Variants in MGP observed in about 807,000 individuals in gnomAD.
MGP encodes cell growth-inhibiting gene 36 protein.
Under a neutral mutation model 14.5 loss-of-function variants are expected in MGP, and 13 were observed. The observed-to-expected ratio is 0.89, with a 90% CI of 0.58 to 1.42. MGP has a LOEUF of 1.42. Ranked by LOEUF, MGP falls within the 40% of genes most tolerant of loss-of-function variation. The pLI is 0.00. For missense variants in MGP, 128 were observed against 133.7 expected (o/e 0.96, Z 0.21); for synonymous variants, 44 against 46.3 (o/e 0.95, Z 0.20).
Position 14,885,770 on chromosome 12 carries a change from CAAG to C in MGP, c.19_21del (p.Leu7del). 1 of 1,613,800 alleles carries C rather than the reference CAAG, an allele frequency of 6.2e-7. No homozygotes were observed. The highest frequency in any genetic ancestry group is 8.5e-7 in the Non-Finnish European group (1 of 1,179,772). ...ACTACCGCTAAGGCGGCCAGGATGG[CAAG>C]AAGGATCAGGCTCTTCATGGTTTCG... On this transcript the variant is annotated inframe_deletion, in exon 1 of 4. Coordinates refer to ENST00000539261, the MANE Select transcript of MGP (RefSeq NM_000900.5).
chr12:14,884,814 C>A, intron 1 of MGP: 1 of 1,533,198 alleles, frequency 6.5e-7, no homozygotes, highest in Non-Finnish European at 8.7e-7. Flanking sequence ...ACAGCTCACC[C>A]TGGGCACGAT....
chr12:14,881,838 G>T lies in MGP; in HGVS notation c.*301C>A, dbSNP rs1863376762. 2.7e-6 allele frequency: 1 copy of T among 365,726 alleles called. No individual in the cohort carries two copies. Among genetic ancestry groups the T allele is most frequent in the Non-Finnish European group, 5.2e-6 (1 of 193,184 alleles). The allele number at this position is 365,726 out of a possible 1,614,324, so 22.7% of individuals were successfully genotyped here. ...AGAATCTCCTATTTTGGGTAAGGTG[G>T]GCCATGATTTAAATATCTCAATATC... On this transcript the variant is annotated 3_prime_UTR_variant, in exon 4 of 4. Coordinates refer to ENST00000539261, the MANE Select transcript of MGP (RefSeq NM_000900.5).
At chr12:14,882,381 C>A (rs1031299312) in intron 3 of MGP, 101 bp from the exon 4 acceptor site, 17 of 1,369,144 alleles carry the variant, frequency 1.2e-5, no homozygotes, top group African/African-American at 2.9e-5. Flanking sequence ...CTCTCCATGC[C>A]CCCCTATATT....
rs527807729 is a variant in MGP at position 14,884,023 on chromosome 12, C to T, written c.94+190G>A. 2.0e-4 allele frequency: 91 copies of T among 465,764 alleles called. No individual in the cohort carries two copies. The South Asian group carries it at 2.4e-3, about 12-fold the overall frequency. The allele number at this position is 465,764 out of a possible 1,614,324, so 28.9% of individuals were successfully genotyped here. On this transcript the variant is annotated intron_variant, in intron 2 of 3. Transcript: ENST00000539261. ...CCTGTAGCTTAAATCCCATATTGCACTACTTCAAACTTAAAAAATTGCTCC... is the reference window on the plus strand; with the variant it reads ...CCTGTAGCTTAAATCCCATATTGCATTACTTCAAACTTAAAAAATTGCTCC...
chr12:14,884,323 CTG>C lies in MGP; in HGVS notation c.62-80_62-79del, dbSNP rs1565441153. ...ATGTTATTATTTATCAATTTAGACACTGTGATAGTTTAAATACAGGGATGGAA... is the reference window on the plus strand; with the variant it reads ...ATGTTATTATTTATCAATTTAGACACTGATAGTTTAAATACAGGGATGGAA... On this transcript the variant is annotated intron_variant, in intron 1 of 3. Coordinates refer to ENST00000539261, the MANE Select transcript of MGP (RefSeq NM_000900.5). 25 of 979,074 alleles carry C rather than the reference CTG, an allele frequency of 2.6e-5. No homozygotes were observed. The Middle Eastern group carries it at 9.9e-4, about 39-fold the overall frequency. 60.6% of individuals were successfully genotyped at this position (979,074 alleles called of 1,614,324 possible).
chr12:14,884,743 C>T (rs1022145230), intron 1 of MGP: 2 of 1,390,816 alleles, frequency 1.4e-6, no homozygotes, highest in African/African-American at 1.4e-5. Context: ...TAAGAGGGTT[C>T]CGAAAGCCTC....
intron 2 of MGP, chr12:14,883,549 G>C (rs965360547): frequency 5.4e-6 from 1 of 185,258 alleles, no homozygotes; most frequent in African/African-American, 2.4e-5. Context: ...CTGTAATCCC[G>C]GCACTTTGGG....
Position 14,885,760 on chromosome 12 carries a change from G to T in MGP, c.32C>A (p.Ala11Asp), listed in dbSNP as rs766423890. MKSLILLAILAALAVVTLCYE... is the reference protein window; with the variant it reads MKSLILLAILDALAVVTLCYE... Reference sequence around the variant, plus strand: ...ACACAAAGTTACTACCGCTAAGGCGGCCAGGATGGCAAGAAGGATCAGGCT... The same window carrying T: ...ACACAAAGTTACTACCGCTAAGGCGTCCAGGATGGCAAGAAGGATCAGGCT... The change falls in exon 1 of 4, where the codon GCC becomes GAC. Residue 11 changes from alanine (A) to aspartate (D), a missense_variant. Coordinates refer to ENST00000539261, the MANE Select transcript of MGP (RefSeq NM_000900.5). The T allele has an allele frequency of 3.1e-6, 5 of 1,613,818 alleles. No individual in the cohort carries two copies. Among genetic ancestry groups the T allele is most frequent in the Admixed American group, 3.3e-5 (2 of 60,014 alleles).
chr12:14,884,778 GC>G (rs1157184611), intron 1 of MGP: 1 of 1,516,890 alleles, frequency 6.6e-7, no homozygotes, highest in Non-Finnish European at 8.8e-7. Context: ...TAAATTGGCA[GC>G]CACAGAAACC....
In MGP at chr12:14,881,957, T is replaced by C; in HGVS notation, c.*182A>G. ...ATGTTGACTCTCCTTTGACCCTCACTGCAGTGCACTTTCATTACTTATCAA... is the reference window on the plus strand; with the variant it reads ...ATGTTGACTCTCCTTTGACCCTCACCGCAGTGCACTTTCATTACTTATCAA... On this transcript the variant is annotated 3_prime_UTR_variant, in exon 4 of 4. Coordinates refer to ENST00000539261, the MANE Select transcript of MGP (RefSeq NM_000900.5). 1 of 692,530 alleles carries C rather than the reference T, an allele frequency of 1.4e-6. No individual in the cohort carries two copies. Among genetic ancestry groups the C allele is most frequent in the Non-Finnish European group, 2.5e-6 (1 of 400,382 alleles). The allele number at this position is 692,530 out of a possible 1,614,324, so 42.9% of individuals were successfully genotyped here.
intron 2 of MGP, chr12:14,883,410 A>G: frequency 6.5e-6 from 2 of 310,016 alleles, no homozygotes; most frequent in South Asian, 6.2e-5. Context: ...CGATACATGA[A>G]CAGTTTAAAC....
intron 1 of MGP, chr12:14,884,842 A>G: frequency 6.5e-7 from 1 of 1,535,018 alleles, no homozygotes; most frequent in South Asian, 1.2e-5. Context: ...CAGAGAGAGA[A>G]CTGAAACGAT....
At chr12:14,885,612 T>C (rs1167048944) in intron 1 of MGP, 119 bp downstream of exon 1, 2 of 769,198 alleles carry the variant, frequency 2.6e-6, no homozygotes, top group Non-Finnish European at 4.6e-6. Context: ...AAAGTAATGG[T>C]ACTTTAAGAT....
chr12:14,884,251 A>AT lies in MGP; in HGVS notation c.62-7dup, dbSNP rs2120440911. 5.1e-6 allele frequency: 7 copies of AT among 1,366,304 alleles called. No individual in the cohort carries two copies. Among genetic ancestry groups the AT allele is most frequent in the Non-Finnish European group, 7.1e-6 (7 of 985,016 alleles). 84.6% of individuals were successfully genotyped at this position (1,366,304 alleles called of 1,614,324 possible). ...TTCCATGCTTTCATGTGATTCTGAAATTAAAAAAAAAAGATTCATTATATC... is the reference window on the plus strand; with the variant it reads ...TTCCATGCTTTCATGTGATTCTGAAATTTAAAAAAAAAAGATTCATTATATC... On this transcript the variant is annotated splice_polypyrimidine_tract_variant and splice_region_variant and intron_variant, in intron 1 of 3. Coordinates refer to ENST00000539261, the MANE Select transcript of MGP (RefSeq NM_000900.5).
chr12:14,882,156 G>T lies in MGP; in HGVS notation c.295C>A (p.Arg99Ser). The change falls in exon 4 of 4, where the codon CGC (arginine) becomes AGC (serine). Residue 99 changes from arginine to serine, a missense_variant. By Grantham distance (110) the Arg-to-Ser change is moderately radical. Coordinates refer to ENST00000539261, the MANE Select transcript of MGP (RefSeq NM_000900.5). ...CCTCAGTCTCATTTGGTCCCTCGGC[G>T]CTTCCTGAAGTAGCGATTATAGGCA... ...NAAYNRYFRK[R>S]RGTK The T allele has an allele frequency of 3.1e-6, 5 of 1,613,930 alleles. No individual in the cohort carries two copies. Among genetic ancestry groups the T allele is most frequent in the Non-Finnish European group, 4.2e-6 (5 of 1,179,946 alleles).
Position 14,885,740 on chromosome 12 carries a change from A to G in MGP, c.52T>C (p.Leu18=). Reference sequence around the variant, plus strand: ...GAGAAAAGTTTCTCACCATAACACAAAGTTACTACCGCTAAGGCGGCCAGG... The same window carrying G: ...GAGAAAAGTTTCTCACCATAACACAGAGTTACTACCGCTAAGGCGGCCAGG... ...AILAALAVVT[L]CYESHESMES... Residue 18 remains leucine (L), a synonymous_variant, in exon 1 of 4, where the codon TTG becomes CTG. Coordinates refer to ENST00000539261, the MANE Select transcript of MGP (RefSeq NM_000900.5). The G allele has an allele frequency of 1.2e-6, 2 of 1,613,638 alleles. No individual in the cohort carries two copies. The highest frequency in any genetic ancestry group is 1.7e-4 in the Middle Eastern group (1 of 6,052).
At position 14,882,708 on chromosome 12, in the gene MGP, A is replaced by C. The variant is rs560421316; in HGVS notation, c.170+264T>G. 3.0e-3 allele frequency among the ~76,000 whole-genome samples: 369 copies of C among 123,082 alleles called. 3 individuals are homozygous for C. Among genetic ancestry groups the C allele is most frequent in the African/African-American group, 0.012 (356 of 29,392 alleles). The allele number at this position is 123,082 out of a possible 152,430, so 80.7% of individuals were successfully genotyped here. A position where few individuals can be genotyped will look rare whatever the true frequency, so the allele number is the denominator to read the frequency against. The stretch of plus-strand genomic sequence containing the variant: ...AAAAACCAGGGAGGGAAGGCAGAAC[A>C]GGAGATTTTTTTTTTTTTTTTAATG... On this transcript the variant is annotated intron_variant, in intron 3 of 3. Coordinates refer to ENST00000539261, the MANE Select transcript of MGP (RefSeq NM_000900.5).
At position 14,882,052 on chromosome 12, in the gene MGP, T is replaced by C; in HGVS notation, c.*87A>G. The C allele has an allele frequency of 6.7e-7, 1 of 1,494,428 alleles. No individual in the cohort carries two copies. Among genetic ancestry groups the C allele is most frequent in the Non-Finnish European group, 9.3e-7 (1 of 1,072,444 alleles). 92.6% of individuals were successfully genotyped at this position (1,494,428 alleles called of 1,614,324 possible). ...AGGAAAGAAGCATTGTATATAAGCC[T>C]ATGTATTTCTGTAATGCTGCTACAG... On this transcript the variant is annotated 3_prime_UTR_variant, in exon 4 of 4. Transcript: ENST00000539261.
rs1863433814 is a variant in MGP, at chr12:14,885,823, T to A, written c.-32A>T. 6.2e-7 allele frequency: 1 copy of A among 1,603,750 alleles called. No individual in the cohort carries two copies. The highest frequency in any genetic ancestry group is 1.3e-5 in the African/African-American group (1 of 74,680). On this transcript the variant is annotated 5_prime_UTR_variant, in exon 1 of 4. Transcript: ENST00000539261. ...GTCCTGCAGGTCAGTCTCAGGGTCTTGTGTAGCAGCAGTAGGGAGAGAGGC... is the reference window on the plus strand; with the variant it reads ...GTCCTGCAGGTCAGTCTCAGGGTCTAGTGTAGCAGCAGTAGGGAGAGAGGC...
Sources: allele counts gnomAD v4.1 joint callset (sites outside exome capture counted in the v4.1 genomes callset), GRCh38; gene constraint gnomAD v4.1.1; transcripts MANE v1.5; gene names NCBI Gene and HGNC (gene_info 2026-07-23, HGNC 2026-07-21).